DGKB: variants seen among roughly 807,000 people sequenced by gnomAD.
The protein encoded by DGKB is diacylglycerol kinase beta, also known as 90 kDa diacylglycerol kinase.
Under a neutral mutation model 114.3 loss-of-function variants are expected in DGKB, and 67 were observed. The observed-to-expected ratio is 0.59, with a 90% CI of 0.48 to 0.72. The LOEUF (loss-of-function observed/expected upper bound fraction) is 0.72, where lower values mean the gene tolerates loss of function less well. DGKB is among the 30% of genes least tolerant of loss of function. The pLI is 0.00. For synonymous variants in DGKB, 398 were observed against 323.1 expected, an observed-to-expected ratio of 1.23 and a Z score of -2.49; for missense variants, 907 against 975.2, an observed-to-expected ratio of 0.93 and a Z score of 0.93.
At chr7:14,604,391 G>T (rs1218804756) in intron 17 of DGKB, among the ~76,000 whole-genome samples, 1 of 152,044 alleles carries the variant, frequency 6.6e-6, no homozygotes, top group Non-Finnish European at 1.5e-5. Context: ...AAAAAATAAA[G>T]TTGGGATAAA....
At chr7:14,587,081 G>A (rs1270338273) in intron 17 of DGKB, among the ~76,000 whole-genome samples, 1 of 152,096 alleles carries the variant, frequency 6.6e-6, no homozygotes, top group Non-Finnish European at 1.5e-5. Flanking sequence ...TCATTTTGGG[G>A]ATCTGGGCAA....
At chr7:14,486,820 A>G (rs1783881268) in intron 20 of DGKB, among the ~76,000 whole-genome samples, 1 of 152,194 alleles carries the variant, frequency 6.6e-6, no homozygotes, top group Non-Finnish European at 1.5e-5. Context: ...ATGGTAAAGT[A>G]TTGACAATTA....
chr7:14,621,969 C>T (rs1807734376), intron 14 of DGKB, among the ~76,000 whole-genome samples: 1 of 151,968 alleles, frequency 6.6e-6, no homozygotes, highest in African/African-American at 2.4e-5. Flanking sequence ...ACTGACATTC[C>T]ATCCCAGCTA....
At chr7:14,952,369 A>G (rs563034360) in intron 1 of DGKB, among the ~76,000 whole-genome samples, 1 of 152,170 alleles carries the variant, frequency 6.6e-6, no homozygotes, top group East Asian at 1.9e-4. Context: ...TCGCACGTAC[A>G]TGGATCGAAT....
chr7:14,365,241 T>G (rs4721330), intron 21 of DGKB, among the ~76,000 whole-genome samples: 58,568 of 151,772 alleles, frequency 0.39, 11,442 homozygotes, highest in South Asian at 0.44. Context: ...TTTGCAGAAT[T>G]TTTTTCTCCA....
At chr7:14,290,957 C>G (rs1231320991) in intron 23 of DGKB, among the ~76,000 whole-genome samples, 1 of 151,092 alleles carries the variant, frequency 6.6e-6, no homozygotes, top group African/African-American at 2.4e-5. Context: ...GCCTGGCCAA[C>G]CTGGTGAAAC....
chr7:14,163,690 A>AG (rs1041561648), intron 25 of DGKB, among the ~76,000 whole-genome samples: 3 of 152,142 alleles, frequency 2.0e-5, no homozygotes, highest in Admixed American at 6.5e-5. Context: ...ATCAACATTT[A>AG]GGCTTATTAA....
In DGKB at chr7:14,377,107, C is replaced by T. The variant is rs187135782; in HGVS notation, c.1836-31716G>A. Among the ~76,000 whole-genome samples, 11 of 152,250 alleles carry T rather than the reference C, an allele frequency of 7.2e-5. No individual in the cohort carries two copies. The South Asian group carries it at 2.1e-3, about 29-fold the overall frequency. The stretch of plus-strand genomic sequence containing the variant: ...GGGGGGTTCTGAACCATGAGAACCC[C>T]TAAATTTGAGACCGTTTTGTGTCAG... On this transcript the variant is annotated intron_variant, in intron 21 of 25. Transcript: ENST00000402815.
At chr7:14,464,998 G>C (rs1224699995) in intron 21 of DGKB, among the ~76,000 whole-genome samples, 2 of 152,090 alleles carry the variant, frequency 1.3e-5, no homozygotes, top group Admixed American at 1.3e-4. Flanking sequence ...GCAGCGACAG[G>C]GGCGACTCTC....
intron 1 of DGKB, among the ~76,000 whole-genome samples, chr7:14,892,864 ATGTGTGTGTG>A (rs10646592): frequency 1.4e-5 from 2 of 147,044 alleles, no homozygotes; most frequent in Non-Finnish European, 3.0e-5. Flanking sequence ...ATATATATAT[ATGTGTGTGTG>A]TGTGTGTGTG....
chr7:14,480,356 G>A (rs937109509), intron 20 of DGKB, among the ~76,000 whole-genome samples: 2 of 152,130 alleles, frequency 1.3e-5, no homozygotes, highest in Admixed American at 1.3e-4. Context: ...GTGTTGAATA[G>A]GTTCCACCAT....
At chr7:14,176,770 T>C (rs1781799486) in intron 25 of DGKB, 69 bp downstream of exon 25, 35 of 1,560,382 alleles carry the variant, frequency 2.2e-5, no homozygotes, top group Non-Finnish European at 2.9e-5. Flanking sequence ...AATCAGTTAT[T>C]GTGGTTATTT....
chr7:14,824,809 T>A (rs1179641991), intron 2 of DGKB, among the ~76,000 whole-genome samples: 2 of 151,528 alleles, frequency 1.3e-5, no homozygotes, highest in Non-Finnish European at 2.9e-5. Context: ...CATTTAGAGG[T>A]CTATTTTTAT....
intron 23 of DGKB, among the ~76,000 whole-genome samples, chr7:14,221,169 C>T (rs1392336454): frequency 6.6e-6 from 1 of 150,756 alleles, no homozygotes; most frequent in African/African-American, 2.4e-5. Flanking sequence ...ATTTTTTTGC[C>T]TTTTATTTAT....
At chr7:14,659,393 C>T (rs533292699) in intron 13 of DGKB, among the ~76,000 whole-genome samples, 1 of 151,934 alleles carries the variant, frequency 6.6e-6, no homozygotes, top group Admixed American at 6.6e-5. Flanking sequence ...TTGTTTGTAT[C>T]CTCTTTTATT....
At chr7:14,252,377 C>T (rs1410931091) in intron 23 of DGKB, among the ~76,000 whole-genome samples, 1 of 152,072 alleles carries the variant, frequency 6.6e-6, no homozygotes, top group African/African-American at 2.4e-5. Flanking sequence ...TCATGTTTTC[C>T]TGATTATTCG....
rs1393247593 is a variant in DGKB at position 14,289,764 on chromosome 7, CACAA to C, written c.2122+48747_2122+48750del. On this transcript the variant is annotated intron_variant, in intron 23 of 25. Transcript: ENST00000402815. Reference sequence around the variant, plus strand: ...TGGACCAAAAAAAAAAAAAAAAAAACACAAAACCCTAATGAAAGCAATTCTATGG... The same window carrying C: ...TGGACCAAAAAAAAAAAAAAAAAAACAACCCTAATGAAAGCAATTCTATGG... Among the ~76,000 whole-genome samples, 12 of 83,596 alleles carry C rather than the reference CACAA, an allele frequency of 1.4e-4. No individual in the cohort carries two copies. The East Asian group carries it at 4.5e-3, about 32-fold the overall frequency. The allele number at this position is 83,596 out of a possible 152,430, so 54.8% of individuals were successfully genotyped here.
At chr7:14,171,369 T>C (rs938345254) in intron 25 of DGKB, among the ~76,000 whole-genome samples, 3 of 152,222 alleles carry the variant, frequency 2.0e-5, no homozygotes, top group African/African-American at 4.8e-5. Flanking sequence ...AGTTTTTTTC[T>C]GTCTTCATCA....
chr7:14,265,139 C>CGTT (rs1331704764), intron 23 of DGKB, among the ~76,000 whole-genome samples: 6 of 87,390 alleles, frequency 6.9e-5, no homozygotes, highest in Admixed American at 5.6e-4. Flanking sequence ...ATCCGGAGAT[C>CGTT]ATTTTTTTTT....
Sources: gnomAD v4.1 joint callset for allele counts (sites outside exome capture counted in the v4.1 genomes callset) on GRCh38, gnomAD v4.1.1 for gene constraint, MANE v1.5 for transcripts, NCBI Gene and HGNC (gene_info 2026-07-23, HGNC 2026-07-21) for gene names.